Variants in SMYD3 observed in about 807,000 individuals in gnomAD.
SMYD3 encodes SET and MYND domain containing 3.
In SMYD3, 36 loss-of-function variants were observed where a neutral mutation model predicts 57.7. That is an observed-to-expected ratio of 0.62 (90% CI 0.48 to 0.82). SMYD3 has a LOEUF of 0.82. SMYD3 is among the 40% of genes least tolerant of loss of function. The probability of loss-of-function intolerance (pLI) is 0.00; values close to 1 mark genes in which losing one functional copy is unlikely to be tolerated. For missense variants in SMYD3, 515 were observed against 538.8 expected (o/e 0.96, Z 0.44); for synonymous variants, 211 against 195.0 (o/e 1.08, Z -0.68).
chr1:246,012,020 G>T (rs1318760111), intron 5 of SMYD3, among the ~76,000 whole-genome samples: 1 of 151,970 alleles, frequency 6.6e-6, no homozygotes, highest in African/African-American at 2.4e-5. Flanking sequence ...ATTGCTTGCT[G>T]GTACTGGCTG....
chr1:246,130,516 T>C (rs1178366687), intron 5 of SMYD3, among the ~76,000 whole-genome samples: 1 of 152,194 alleles, frequency 6.6e-6, no homozygotes, highest in African/African-American at 2.4e-5. Flanking sequence ...TTACAACCTA[T>C]ATTTATCATT....
At chr1:246,446,192 G>A (rs1348883732) in intron 1 of SMYD3, among the ~76,000 whole-genome samples, 2 of 152,212 alleles carry the variant, frequency 1.3e-5, no homozygotes, top group Non-Finnish European at 2.9e-5. Flanking sequence ...TTTTGAGGAA[G>A]CAGAGCCCAA....
At chr1:246,354,897 T>G in intron 2 of SMYD3, 134 bp downstream of exon 2, 1 of 746,936 alleles carries the variant, frequency 1.3e-6, no homozygotes, top group South Asian at 1.8e-5. Flanking sequence ...CCTGTGTGAC[T>G]CAGCAGGTGA....
intron 10 of SMYD3, among the ~76,000 whole-genome samples, chr1:245,768,170 C>T (rs994615857): frequency 6.6e-6 from 1 of 152,172 alleles, no homozygotes; most frequent in African/African-American, 2.4e-5. Flanking sequence ...TTTCCTTTCA[C>T]AGGTATAATG....
intron 1 of SMYD3, among the ~76,000 whole-genome samples, chr1:246,478,921 CCTGTCCTCCGTCCTGGAGCTGGTACAT>C (rs2068065942): frequency 4.2e-5 from 6 of 143,196 alleles, no homozygotes; most frequent in Non-Finnish European, 7.6e-5. Flanking sequence ...TATATGTACA[CCTGTCCTCCGTCCTGGAGCTGGTACAT>C]AAGTGCTCAT....
chr1:245,875,633 C>G (rs2052445003), intron 8 of SMYD3, among the ~76,000 whole-genome samples: 1 of 152,188 alleles, frequency 6.6e-6, no homozygotes. Context: ...TAATGCTTCT[C>G]ATACCCCTAA....
chr1:245,949,730 A>G (rs1034087794), intron 5 of SMYD3, among the ~76,000 whole-genome samples: 13 of 152,092 alleles, frequency 8.5e-5, no homozygotes, highest in Non-Finnish European at 1.8e-4. Context: ...AATCTCTTGA[A>G]CCTGGGAGGC....
rs192634916 is a variant in SMYD3, at chr1:245,918,241, G to A, written c.703-2601C>T. On this transcript the variant is annotated intron_variant, in intron 7 of 11. Coordinates refer to ENST00000490107, the MANE Select transcript of SMYD3 (RefSeq NM_001167740.2). ...ACGTTACTGAGTATCTACTGTTTGT[G>A]GCGAGGCAGCATAGCACAGTAAAAA... is the stretch of plus-strand genomic sequence containing the variant. Among the ~76,000 whole-genome samples, 326 of 152,266 alleles carry A rather than the reference G, an allele frequency of 2.1e-3. 1 individual carries two copies. The highest frequency in any genetic ancestry group is 7.5e-3 in the African/African-American group (311 of 41,546).
At chr1:245,884,442 G>A (rs539280496) in intron 8 of SMYD3, among the ~76,000 whole-genome samples, 1 of 152,234 alleles carries the variant, frequency 6.6e-6, no homozygotes, top group South Asian at 2.1e-4. Context: ...AATGCATGGG[G>A]GTTTTTATAG....
intron 5 of SMYD3, among the ~76,000 whole-genome samples, chr1:245,965,163 C>CT (rs2058109026): frequency 6.6e-6 from 1 of 152,112 alleles, no homozygotes. Context: ...CACACAATAT[C>CT]TTTTTCAAAA....
At chr1:246,435,421 A>G (rs1353137355) in intron 1 of SMYD3, among the ~76,000 whole-genome samples, 2 of 152,124 alleles carry the variant, frequency 1.3e-5, no homozygotes. Context: ...TCATAAGTTA[A>G]CTGTTTTATT....
intron 5 of SMYD3, among the ~76,000 whole-genome samples, chr1:246,240,960 G>A (rs1270012815): frequency 6.6e-6 from 1 of 152,130 alleles, no homozygotes; most frequent in African/African-American, 2.4e-5. Flanking sequence ...AGACTTTGCT[G>A]AAGTTGCTTA....
rs147178083 is a variant in SMYD3 at position 246,076,813 on chromosome 1, T to C, written c.532-146876A>G. 4.1e-3 allele frequency among the ~76,000 whole-genome samples: 632 copies of C among 152,290 alleles called. 4 individuals carry two copies. The highest frequency in any genetic ancestry group is 0.014 in the African/African-American group (598 of 41,556). ...TGTCTTTATTGTCACACAGTATTTA[T>C]TGAAATACTATCATTTGCCAGGCAT... is the stretch of plus-strand genomic sequence containing the variant. On this transcript the variant is annotated intron_variant, in intron 5 of 11. Transcript: ENST00000490107.
At chr1:245,816,692 C>T (rs1267512171) in intron 10 of SMYD3, among the ~76,000 whole-genome samples, 1 of 152,064 alleles carries the variant, frequency 6.6e-6, no homozygotes, top group African/African-American at 2.4e-5. Context: ...TGGGTGCGCG[C>T]ACCGTGCGCG....
intron 5 of SMYD3, among the ~76,000 whole-genome samples, chr1:246,094,558 G>A (rs2060880277): frequency 6.6e-6 from 1 of 152,064 alleles, no homozygotes; most frequent in Admixed American, 6.6e-5. Flanking sequence ...CCCCCGCCTC[G>A]CCACCAACAG....
intron 1 of SMYD3, among the ~76,000 whole-genome samples, chr1:246,371,967 C>G (rs1455574420): frequency 6.6e-6 from 1 of 152,204 alleles, no homozygotes; most frequent in Non-Finnish European, 1.5e-5. Context: ...TGCCTCAAGT[C>G]TCCTTGGAAC....
At chr1:246,172,310 G>C (rs1487374197) in intron 5 of SMYD3, among the ~76,000 whole-genome samples, 1 of 149,108 alleles carries the variant, frequency 6.7e-6, no homozygotes, top group African/African-American at 2.5e-5. Context: ...TGTACGCTTA[G>C]GCTACACAGG....
chr1:245,858,644 G>A lies in SMYD3; in HGVS notation c.928C>T (p.Gln310Ter). ...TCAGAATTGCTGCTTATGATTGCCT[G>A]GCACATGGCCAGAACCTGCTCCCAC... ...WKWEQVLAMC[Q>*]AIISSNSERL... The change falls in exon 10 of 12, where the codon CAG becomes TAG. Residue 310 changes from glutamine to a stop codon, truncating the protein, a stop_gained. Transcript: ENST00000490107. LOFTEE classifies it high-confidence loss of function. 1.2e-6 allele frequency: 2 copies of A among 1,614,160 alleles called. No individual in the cohort carries two copies. The highest frequency in any genetic ancestry group is 1.7e-6 in the Non-Finnish European group (2 of 1,180,004).
intron 2 of SMYD3, among the ~76,000 whole-genome samples, chr1:246,336,882 G>C (rs889751175): frequency 3.3e-5 from 5 of 152,120 alleles, no homozygotes; most frequent in Non-Finnish European, 7.4e-5. Flanking sequence ...TGCCTTACAA[G>C]CAAGGCAAAA....
Sources: allele counts gnomAD v4.1 joint callset (sites outside exome capture counted in the v4.1 genomes callset), GRCh38; gene constraint gnomAD v4.1.1; transcripts MANE v1.5; gene names NCBI Gene and HGNC (gene_info 2026-07-23, HGNC 2026-07-21).